The following LRRC4 variants were observed in gnomAD, a reference collection of about 807,000 sequenced individuals.
LRRC4 encodes the protein leucine rich repeat containing 4.
Under a neutral mutation model 37.9 loss-of-function variants are expected in LRRC4, and 11 were observed. The ratio of observed to expected loss-of-function variants is 0.29; its 90% CI spans 0.18 to 0.48. The LOEUF (loss-of-function observed/expected upper bound fraction) is 0.48. LRRC4 is among the 20% of genes least tolerant of loss of function. LRRC4 has a pLI of 0.99. For synonymous variants in LRRC4, 404 were observed against 346.7 expected (o/e 1.17, Z -1.84); for missense variants, 717 against 842.1 (o/e 0.85, Z 1.84).
chr7:128,028,970 C>G lies in LRRC4; in HGVS notation c.1671G>C (p.Arg557=), dbSNP rs754708450. 9 of 1,608,926 alleles carry G rather than the reference C, an allele frequency of 5.6e-6. No homozygotes were observed. In the South Asian group the frequency reaches 9.9e-5, roughly 18 times the overall value. ...FYKLRKRHQQ[R]STVTAARTVE... is the part of the protein sequence containing the mutation. ...CAGTCCGGGCGGCTGTGACTGTACT[C>G]CGCTGCTGGTGCCGCTTACGAAGTT... Residue 557 remains arginine, a synonymous_variant, in exon 2 of 2, where the codon CGG becomes CGC. Coordinates refer to ENST00000249363, the MANE Select transcript of LRRC4 (RefSeq NM_022143.5).
rs554085056 is a variant in LRRC4, at chr7:128,030,563, C to G, written c.78G>C (p.Ala26=). ...TGGCTGCACACAGAATCCACACTTG[C>G]GCCGTGAGGTAGACGAACGGGAGCA... The part of the protein sequence containing the change: ...AILLPFVYLT[A]QVWILCAAIA... Residue 26 remains alanine, a synonymous_variant, in exon 2 of 2, where the codon GCG becomes GCC. Transcript: ENST00000249363. 8.3e-5 allele frequency: 134 copies of G among 1,611,732 alleles called. No individual in the cohort carries two copies. The South Asian group carries it at 1.4e-3, about 16-fold the overall frequency.
chr7:128,028,973 C>G lies in LRRC4; in HGVS notation c.1668G>C (p.Gln556His). Reference sequence around the variant, plus strand: ...TCCGGGCGGCTGTGACTGTACTCCGCTGCTGGTGCCGCTTACGAAGTTTAT... The same window carrying G: ...TCCGGGCGGCTGTGACTGTACTCCGGTGCTGGTGCCGCTTACGAAGTTTAT... ...VFYKLRKRHQ[Q>H]RSTVTAARTV... Residue 556 changes from glutamine to histidine, a missense_variant, in exon 2 of 2, where the codon CAG becomes CAC. Physicochemically the swap from Gln to His is conservative, Grantham distance 24 (BLOSUM62 0). Coordinates refer to ENST00000249363, the MANE Select transcript of LRRC4 (RefSeq NM_022143.5). 1 of 1,609,762 alleles carries G rather than the reference C, an allele frequency of 6.2e-7. No individual in the cohort carries two copies. The highest frequency in any genetic ancestry group is 8.5e-7 in the Non-Finnish European group (1 of 1,177,640).
Position 128,030,461 on chromosome 7 carries a change from C to T in LRRC4, c.180G>A (p.Val60=). The T allele has an allele frequency of 6.2e-7, 1 of 1,613,656 alleles. No individual in the cohort carries two copies. Among genetic ancestry groups the T allele is most frequent in the South Asian group, 1.1e-5 (1 of 91,072 alleles). Residue 60 remains valine, a synonymous_variant, in exon 2 of 2, where the codon GTG becomes GTA. Transcript: ENST00000249363. ...CSCSNQFSKV[V]CTRRGLSEVP... ...CCTCGGAGAGGCCCCGGCGCGTGCACACCACCTTGCTGAACTGGTTACTGC... is the reference window on the plus strand; with the variant it reads ...CCTCGGAGAGGCCCCGGCGCGTGCATACCACCTTGCTGAACTGGTTACTGC...
Position 128,029,951 on chromosome 7 carries a change from G to A in LRRC4, c.690C>T (p.Phe230=), listed in dbSNP as rs1368092744. The change falls in exon 2 of 2, where the codon TTC becomes TTT. Residue 230 remains phenylalanine, a synonymous_variant. Transcript: ENST00000249363. This position sits in a 1 kb window ranked among gnomAD's most constrained non-coding sequence, Gnocchi z 4.2. ...LEELEMSGNH[F]PEIRPGSFHG... ...GGAAGGAGCCAGGCCTGATCTCAGGGAAGTGGTTCCCTGACATCTCCAGCT... is the reference window on the plus strand; with the variant it reads ...GGAAGGAGCCAGGCCTGATCTCAGGAAAGTGGTTCCCTGACATCTCCAGCT... 2 of 1,613,174 alleles carry A rather than the reference G, an allele frequency of 1.2e-6. No homozygotes were observed. The highest frequency in any genetic ancestry group is 1.7e-6 in the Non-Finnish European group (2 of 1,180,026).
In LRRC4 at chr7:128,029,615, C is replaced by T. The variant is rs762913252; in HGVS notation, c.1026G>A (p.Glu342=). The T allele has an allele frequency of 6.2e-7, 1 of 1,614,036 alleles. No individual in the cohort carries two copies. Among genetic ancestry groups the T allele is most frequent in the Non-Finnish European group, 8.5e-7 (1 of 1,180,020 alleles). Residue 342 remains glutamate (E), a synonymous_variant, in exon 2 of 2, where the codon GAG becomes GAA. Transcript: ENST00000249363. The surrounding 1 kb of genome is among the most constrained non-coding windows in gnomAD (Gnocchi z 4.2). ...PMHMRGRYLV[E]VDQASFQCSA... ...AGCACTGGAAGGAGGCCTGGTCCACCTCCACGAGGTAGCGGCCTCGCATGT... is the reference window on the plus strand; with the variant it reads ...AGCACTGGAAGGAGGCCTGGTCCACTTCCACGAGGTAGCGGCCTCGCATGT...
At position 128,028,547 on chromosome 7, in the gene LRRC4, CTGTT is replaced by C. The variant is rs1304683503; in HGVS notation, c.*128_*131del. ...TTTTGTCTTTAAATTTTAATATAAT[CTGTT>C]TTTTTTAACCAGCCCATAGACTTAA... On this transcript the variant is annotated 3_prime_UTR_variant, in exon 2 of 2. Coordinates refer to ENST00000249363, the MANE Select transcript of LRRC4 (RefSeq NM_022143.5). 1 of 780,154 alleles carries C rather than the reference CTGTT, an allele frequency of 1.3e-6. No individual in the cohort carries two copies. The highest frequency in any genetic ancestry group is 1.9e-6 in the Non-Finnish European group (1 of 519,640). The allele number at this position is 780,154 out of a possible 1,614,324, so 48.3% of individuals were successfully genotyped here.
rs1361728268 is a variant in LRRC4 at position 128,027,083 on chromosome 7, C to T, written c.*1596G>A. The stretch of plus-strand genomic sequence containing the variant: ...TGGGGACATTGAATTAAAAATTCAA[C>T]AATATTTATTAAAATACAAAAATAC... On this transcript the variant is annotated 3_prime_UTR_variant, in exon 2 of 2. Coordinates refer to ENST00000249363, the MANE Select transcript of LRRC4 (RefSeq NM_022143.5). 1.3e-5 allele frequency: 2 copies of T among 152,310 alleles called. No individual in the cohort carries two copies. The highest frequency in any genetic ancestry group is 2.9e-5 in the Non-Finnish European group (2 of 68,004). The allele number at this position is 152,310 out of a possible 1,614,324, so 9.4% of individuals were successfully genotyped here. A position where few individuals can be genotyped will look rare whatever the true frequency, so the allele number is the denominator to read the frequency against.
Position 128,027,560 on chromosome 7 carries a change from C to T in LRRC4, c.*1119G>A, listed in dbSNP as rs1390783610. 6.6e-6 allele frequency: 1 copy of T among 152,304 alleles called. No individual in the cohort carries two copies. Among genetic ancestry groups the T allele is most frequent in the East Asian group, 1.9e-4 (1 of 5,200 alleles). 9.4% of individuals were successfully genotyped at this position (152,304 alleles called of 1,614,324 possible). ...CAGTTGACATCCGCTGTAATAATCC[C>T]TAATGAATCAGCATTTAGAAGAGTC... On this transcript the variant is annotated 3_prime_UTR_variant, in exon 2 of 2. Coordinates refer to ENST00000249363, the MANE Select transcript of LRRC4 (RefSeq NM_022143.5).
In LRRC4 at chr7:128,029,643, A is replaced by T. The variant is rs1487193136; in HGVS notation, c.998T>A (p.Met333Lys). The T allele has an allele frequency of 1.2e-6, 2 of 1,613,884 alleles. No individual in the cohort carries two copies. Among genetic ancestry groups the T allele is most frequent in the Non-Finnish European group, 1.7e-6 (2 of 1,180,006 alleles). Residue 333 changes from methionine (M) to lysine (K), a missense_variant, in exon 2 of 2, where the codon ATG becomes AAG. This residue lies in a region of LRRC4 where 293 missense variants were observed against 268.3 expected (regional missense o/e 1.09). Transcript: ENST00000249363. This position sits in a 1 kb window ranked among gnomAD's most constrained non-coding sequence, Gnocchi z 4.2. Reference protein sequence around the residue: ...STCCGRCHAPMHMRGRYLVEV... With the variant: ...STCCGRCHAPKHMRGRYLVEV... The stretch of plus-strand genomic sequence containing the variant: ...CACGAGGTAGCGGCCTCGCATGTGC[A>T]TGGGAGCATGACAGCGGCCACAGCA...
rs879141553 is a variant in LRRC4, at chr7:128,027,738, G to A, written c.*941C>T. ...ATGTGTCAGAGTCCAGGAACAACAG[G>A]TGGACATGGCACAATGCTAATTTAT... On this transcript the variant is annotated 3_prime_UTR_variant, in exon 2 of 2. Transcript: ENST00000249363. 3.3e-5 allele frequency: 5 copies of A among 152,298 alleles called. No individual in the cohort carries two copies. In the East Asian group the frequency reaches 9.6e-4, roughly 29 times the overall value. The allele number at this position is 152,298 out of a possible 1,614,324, so 9.4% of individuals were successfully genotyped here. A position where few individuals can be genotyped will look rare whatever the true frequency, so the allele number is the denominator to read the frequency against.
In LRRC4 at chr7:128,027,257, A is replaced by G. The variant is rs551686844; in HGVS notation, c.*1422T>C. On this transcript the variant is annotated 3_prime_UTR_variant, in exon 2 of 2. Coordinates refer to ENST00000249363, the MANE Select transcript of LRRC4 (RefSeq NM_022143.5). ...ACATCATTAGATGGACCAGAATAAC[A>G]GAGATCTCTGCCTTCCCCACCCACG... 6.6e-6 allele frequency: 1 copy of G among 152,320 alleles called. No individual in the cohort carries two copies. Among genetic ancestry groups the G allele is most frequent in the East Asian group, 1.9e-4 (1 of 5,156 alleles). 9.4% of individuals were successfully genotyped at this position (152,320 alleles called of 1,614,324 possible). A position where few individuals can be genotyped will look rare whatever the true frequency, so the allele number is the denominator to read the frequency against.
In LRRC4 at chr7:128,030,758, G is replaced by A; in HGVS notation, c.-100-18C>T. 2.3e-6 allele frequency: 3 copies of A among 1,310,950 alleles called. 1 individual carries two copies. The Middle Eastern group carries it at 6.3e-4, about 273-fold the overall frequency. 81.2% of individuals were successfully genotyped at this position (1,310,950 alleles called of 1,614,324 possible). On this transcript the variant is annotated intron_variant, in intron 1 of 1. Coordinates refer to ENST00000249363, the MANE Select transcript of LRRC4 (RefSeq NM_022143.5). ...CTTTCCATCTGGAGAAGGAGGTGGG[G>A]AGGGGGCGATTAGAGAGACGGAGCG...
rs758833551 is a variant in LRRC4 at position 128,030,531 on chromosome 7, G to A, written c.110C>T (p.Ala37Val). ...QVWILCAAIA[A>V]AASAGPQNCP... Reference sequence around the variant, plus strand: ...GTTCTGGGGCCCGGCTGAGGCGGCAGCAGCGATGGCTGCACACAGAATCCA... The same window carrying A: ...GTTCTGGGGCCCGGCTGAGGCGGCAACAGCGATGGCTGCACACAGAATCCA... The change falls in exon 2 of 2, where the codon GCT becomes GTT. Residue 37 changes from alanine to valine, a missense_variant. By Grantham distance (64) the Ala-to-Val change is moderately conservative (BLOSUM62 0). Around this residue, in one of 5 missense-constraint regions of LRRC4, gnomAD observed 127 missense variants for 134.8 expected, o/e 0.94. Transcript: ENST00000249363. The A allele has an allele frequency of 3.1e-6, 5 of 1,613,402 alleles. No homozygotes were observed. In the South Asian group the frequency reaches 4.4e-5, roughly 14 times the overall value.
Position 128,029,132 on chromosome 7 carries a change from C to CT in LRRC4, c.1508dup (p.Val504GlyfsTer10). On this transcript the variant is annotated frameshift_variant, in exon 2 of 2. Transcript: ENST00000249363. LOFTEE classifies it high-confidence loss of function. This position sits in a 1 kb window ranked among gnomAD's most constrained non-coding sequence, Gnocchi z 4.2. ...TGGTGTCTGTCGCGGGTACTGCCAC[C>CT]TGCTTGGGCACACGGGTAGTCTGAA... 1 of 1,614,152 alleles carries CT rather than the reference C, an allele frequency of 6.2e-7. No homozygotes were observed. Among genetic ancestry groups the CT allele is most frequent in the Non-Finnish European group, 8.5e-7 (1 of 1,180,044 alleles).
Position 128,031,026 on chromosome 7 carries a change from G to A in LRRC4, c.-214C>T, listed in dbSNP as rs1286358665. ...GTTTTAATTAACAAAAGGGGGAAGT[G>A]GTGGGGGCGGGGAGGGCAGAGGGGA... is the stretch of plus-strand genomic sequence containing the variant. On this transcript the variant is annotated 5_prime_UTR_variant, in exon 1 of 2. Coordinates refer to ENST00000249363, the MANE Select transcript of LRRC4 (RefSeq NM_022143.5). 1.3e-5 allele frequency: 2 copies of A among 153,604 alleles called. No homozygotes were observed. Among genetic ancestry groups the A allele is most frequent in the Admixed American group, 1.3e-4 (2 of 15,308 alleles). 9.5% of individuals were successfully genotyped at this position (153,604 alleles called of 1,614,324 possible). A position where few individuals can be genotyped will look rare whatever the true frequency, so the allele number is the denominator to read the frequency against.
rs529120187 is a variant in LRRC4 at position 128,027,570 on chromosome 7, A to G, written c.*1109T>C. On this transcript the variant is annotated 3_prime_UTR_variant, in exon 2 of 2. Transcript: ENST00000249363. ...CCGCTGTAATAATCCCTAATGAATC[A>G]GCATTTAGAAGAGTCACCAAATCAC... is the stretch of plus-strand genomic sequence containing the variant. 6.6e-6 allele frequency: 1 copy of G among 152,386 alleles called. No individual in the cohort carries two copies. Among genetic ancestry groups the G allele is most frequent in the East Asian group, 1.9e-4 (1 of 5,184 alleles). 9.4% of individuals were successfully genotyped at this position (152,386 alleles called of 1,614,324 possible).
chr7:128,028,185 T>C lies in LRRC4; in HGVS notation c.*494A>G, dbSNP rs1247055041. 6.5e-6 allele frequency: 1 copy of C among 153,034 alleles called. No homozygotes were observed. Among genetic ancestry groups the C allele is most frequent in the Non-Finnish European group, 1.5e-5 (1 of 68,374 alleles). 9.5% of individuals were successfully genotyped at this position (153,034 alleles called of 1,614,324 possible). On this transcript the variant is annotated 3_prime_UTR_variant, in exon 2 of 2. Coordinates refer to ENST00000249363, the MANE Select transcript of LRRC4 (RefSeq NM_022143.5). ...ACAGTACAAATTCATGGTGCTTTTT[T>C]TTTGTATTTTTTTTTAATAAGATAA... is the stretch of plus-strand genomic sequence containing the variant.
At position 128,030,072 on chromosome 7, in the gene LRRC4, C is replaced by T; in HGVS notation, c.569G>A (p.Gly190Glu). The T allele has an allele frequency of 6.2e-7, 1 of 1,613,520 alleles. No homozygotes were observed. The highest frequency in any genetic ancestry group is 1.1e-5 in the South Asian group (1 of 91,092). Residue 190 changes from glycine to glutamate, a missense_variant, in exon 2 of 2, where the codon GGA becomes GAA. This residue lies in a region of LRRC4 where 138 missense variants were observed against 261.0 expected (regional missense o/e 0.53). Transcript: ENST00000249363. ...ELKKLEYISE[G>E]AFEGLFNLKY... ...GAGGTTGAACAGCCCCTCAAAAGCT[C>T]CCTCAGAGATATACTCCAGCTTCTT... is the stretch of plus-strand genomic sequence containing the variant.
chr7:128,030,536 G>A lies in LRRC4; in HGVS notation c.105C>T (p.Ile35=), dbSNP rs538980409. Residue 35 remains isoleucine, a synonymous_variant, in exon 2 of 2, where the codon ATC becomes ATT. Transcript: ENST00000249363. ...GGGGCCCGGCTGAGGCGGCAGCAGCGATGGCTGCACACAGAATCCACACTT... is the reference window on the plus strand; with the variant it reads ...GGGGCCCGGCTGAGGCGGCAGCAGCAATGGCTGCACACAGAATCCACACTT... ...TAQVWILCAA[I]AAAASAGPQN... 1.2e-6 allele frequency: 2 copies of A among 1,613,352 alleles called. No homozygotes were observed. Among genetic ancestry groups the A allele is most frequent in the South Asian group, 1.1e-5 (1 of 91,020 alleles).
Sources: allele counts gnomAD v4.1 joint callset, GRCh38; gene constraint gnomAD v4.1.1; regional missense constraint gnomAD v4.1.1; non-coding constraint Gnocchi (gnomAD v3.1); transcripts MANE v1.5; gene names NCBI Gene and HGNC (gene_info 2026-07-23, HGNC 2026-07-21).